The following SLC24A2 variants were observed in gnomAD, a reference collection of about 807,000 sequenced individuals.
SLC24A2 encodes solute carrier family 24 member 2, also known as sodium/potassium/calcium exchanger 2.
A neutral mutation model predicts 62.0 loss-of-function variants in SLC24A2; 36 were observed. That is an observed-to-expected ratio of 0.58 (90% CI 0.44 to 0.77). SLC24A2 has a LOEUF of 0.77. Ranked by LOEUF, SLC24A2 falls within the 30% of genes least tolerant of loss-of-function variation. SLC24A2 has a pLI of 0.00. For missense variants in SLC24A2, 846 were observed against 817.9 expected (o/e 1.03, Z -0.42); for synonymous variants, 358 against 294.0 (o/e 1.22, Z -2.23).
At chr9:19,797,970 C>T in the SLC24A2 span, among the ~76,000 whole-genome samples, 1 of 152,220 alleles carries the variant, frequency 6.6e-6, no homozygotes, top group Non-Finnish European at 1.5e-5. Context: ...CAAATTACCA[C>T]AACCTTTGTG....
intron 8 of SLC24A2, among the ~76,000 whole-genome samples, chr9:19,549,598 C>G (rs558260459): frequency 2.0e-5 from 3 of 152,292 alleles, no homozygotes; most frequent in African/African-American, 7.2e-5. Flanking sequence ...CATGAAAAGG[C>G]CATGTTTAGG....
the SLC24A2 span, among the ~76,000 whole-genome samples, chr9:19,893,155 G>C: frequency 6.6e-6 from 1 of 152,304 alleles, no homozygotes; most frequent in East Asian, 1.9e-4. Flanking sequence ...GTGGCGGGCA[G>C]AGAAGCAAGT....
rs1564009988 is a variant in SLC24A2, at chr9:19,636,375, CTTTCTTTCTTT to C, written c.931-14087_931-14077del. Among the ~76,000 whole-genome samples the C allele has an allele frequency of 2.0e-3, 59 of 29,406 alleles. 8 individuals carry two copies. The highest frequency in any genetic ancestry group is 0.015 in the Middle Eastern group (1 of 68). The allele number at this position is 29,406 out of a possible 152,430, so 19.3% of individuals were successfully genotyped here. The stretch of plus-strand genomic sequence containing the variant: ...TCTTTCTTTCTTTCTTTCTTTCTTT[CTTTCTTTCTTT>C]CTCCCTCTCTCTCTCTCTCTCTTTC... On this transcript the variant is annotated intron_variant, in intron 2 of 10. Coordinates refer to ENST00000341998, the MANE Select transcript of SLC24A2 (RefSeq NM_020344.4).
chr9:19,875,435 C>G, the SLC24A2 span, among the ~76,000 whole-genome samples: 1 of 152,146 alleles, frequency 6.6e-6, no homozygotes, highest in East Asian at 1.9e-4. Context: ...GAAAAGCATA[C>G]CGATGAGGAC....
the SLC24A2 span, among the ~76,000 whole-genome samples, chr9:19,999,028 A>C: frequency 3.3e-5 from 5 of 152,208 alleles, no homozygotes; most frequent in African/African-American, 4.8e-5. Flanking sequence ...AATTATTTTC[A>C]GTATGAGTTT....
chr9:19,805,176 A>T, the SLC24A2 span, among the ~76,000 whole-genome samples: 1 of 152,126 alleles, frequency 6.6e-6, no homozygotes, highest in Admixed American at 6.6e-5. Context: ...ACCCACCTAC[A>T]TTTCATGGAA....
intron 2 of SLC24A2, among the ~76,000 whole-genome samples, chr9:19,637,285 C>G (rs1426194268): frequency 1.3e-5 from 2 of 152,248 alleles, no homozygotes; most frequent in Admixed American, 6.5e-5. Context: ...TGGTCCAACT[C>G]TATTCAGTGG....
At chr9:19,850,980 T>A in the SLC24A2 span, among the ~76,000 whole-genome samples, 3 of 42,036 alleles carry the variant, frequency 7.1e-5, no homozygotes, top group South Asian at 5.3e-4. Flanking sequence ...TATATATATA[T>A]ATATGTATAT....
the SLC24A2 span, among the ~76,000 whole-genome samples, chr9:20,306,460 A>G: frequency 6.6e-6 from 1 of 152,228 alleles, no homozygotes; most frequent in Non-Finnish European, 1.5e-5. Flanking sequence ...TTCCACAAAT[A>G]GAGAAAGACC....
At chr9:19,905,918 C>T in the SLC24A2 span, among the ~76,000 whole-genome samples, 5 of 152,102 alleles carry the variant, frequency 3.3e-5, no homozygotes, top group South Asian at 2.1e-4. Flanking sequence ...GACAGATCAA[C>T]GAGACAGAAA....
intron 2 of SLC24A2, among the ~76,000 whole-genome samples, chr9:19,674,343 C>T (rs1030680918): frequency 2.0e-5 from 3 of 152,140 alleles, no homozygotes; most frequent in African/African-American, 7.2e-5. Context: ...TGACAATGTG[C>T]CTAGGTGATC....
chr9:19,951,038 T>C, the SLC24A2 span, among the ~76,000 whole-genome samples: 2 of 152,206 alleles, frequency 1.3e-5, no homozygotes, highest in African/African-American at 2.4e-5. Flanking sequence ...GTTCTCTGGA[T>C]GATCTTACAC....
At chr9:20,267,352 G>A in the SLC24A2 span, among the ~76,000 whole-genome samples, 1 of 152,018 alleles carries the variant, frequency 6.6e-6, no homozygotes, top group Non-Finnish European at 1.5e-5. Flanking sequence ...ATAAGAATAT[G>A]GCAATTGCTT....
the SLC24A2 span, among the ~76,000 whole-genome samples, chr9:20,154,410 C>G: frequency 7.9e-5 from 12 of 151,636 alleles, no homozygotes; most frequent in African/African-American, 2.9e-4. Flanking sequence ...AGGAGAGAAT[C>G]TGGGGAAGGT....
At chr9:19,884,986 G>C in the SLC24A2 span, among the ~76,000 whole-genome samples, 3 of 152,174 alleles carry the variant, frequency 2.0e-5, no homozygotes, top group Non-Finnish European at 4.4e-5. Flanking sequence ...TTACAGAGTG[G>C]ACAAGGTTGG....
chr9:19,800,570 T>C, the SLC24A2 span, among the ~76,000 whole-genome samples: 17 of 152,300 alleles, frequency 1.1e-4, no homozygotes, highest in Admixed American at 1.0e-3. Context: ...ACTGTATGAT[T>C]TTGTCTTATT....
At chr9:19,913,880 CTTTTT>C in the SLC24A2 span, among the ~76,000 whole-genome samples, 1 of 151,506 alleles carries the variant, frequency 6.6e-6, no homozygotes, top group Admixed American at 6.6e-5. Context: ...TCTTTTTTTT[CTTTTT>C]TTAATTTTTG....
chr9:19,561,961 T>C (rs562245913), intron 7 of SLC24A2, among the ~76,000 whole-genome samples: 2 of 152,198 alleles, frequency 1.3e-5, no homozygotes, highest in Admixed American at 1.3e-4. Context: ...AATATTTTGT[T>C]GTGAGTGATG....
the SLC24A2 span, among the ~76,000 whole-genome samples, chr9:19,814,316 G>T: frequency 1.3e-5 from 2 of 152,206 alleles, no homozygotes; most frequent in African/African-American, 4.8e-5. Flanking sequence ...CTGTTCCAAA[G>T]TGAGAGGTGG....
Sources: gnomAD v4.1 joint callset for allele counts (sites outside exome capture counted in the v4.1 genomes callset) on GRCh38, gnomAD v4.1.1 for gene constraint, MANE v1.5 for transcripts, NCBI Gene and HGNC (gene_info 2026-07-23, HGNC 2026-07-21) for gene names.